CRAMP1: variants seen among roughly 807,000 people sequenced by gnomAD.
CRAMP1 encodes the protein cramped chromatin regulator 1.
Under a neutral mutation model 115.4 loss-of-function variants are expected in CRAMP1, and 50 were observed. The ratio of observed to expected loss-of-function variants is 0.43; its 90% CI spans 0.35 to 0.55. The LOEUF is 0.55. Ranked by LOEUF, CRAMP1 falls within the 20% of genes least tolerant of loss-of-function variation. The pLI is 0.01. For missense variants in CRAMP1, 1,679 were observed against 1,721.7 expected (o/e 0.98, Z 0.44); for synonymous variants, 866 against 745.4 (o/e 1.16, Z -2.64).
At position 1,676,565 on chromosome 16, in the gene CRAMP1, C is replaced by CT. The variant is rs1455509139; in HGVS notation, c.*2521dup. On this transcript the variant is annotated 3_prime_UTR_variant, in exon 21 of 21. Coordinates refer to ENST00000397412, the MANE Select transcript of CRAMP1 (RefSeq NM_020825.4). The stretch of plus-strand genomic sequence containing the variant: ...CCTTTCCAACAGAAGCGGTGATCGT[C>CT]TAAGTATGAGCCTGTGGCTTCCTTT... The CT allele has an allele frequency of 2.6e-5, 4 of 152,254 alleles. No individual in the cohort carries two copies. The highest frequency in any genetic ancestry group is 1.3e-4 in the Admixed American group (2 of 15,292). The allele number at this position is 152,254 out of a possible 1,614,324, so 9.4% of individuals were successfully genotyped here. A position where few individuals can be genotyped will look rare whatever the true frequency, so the allele number is the denominator to read the frequency against.
chr16:1,649,863 A>G (rs1211073842), intron 6 of CRAMP1, among the ~76,000 whole-genome samples: 3 of 140,116 alleles, frequency 2.1e-5, no homozygotes, highest in Non-Finnish European at 4.5e-5. Flanking sequence ...GCGCAATCTC[A>G]GCTCACTACA....
intron 6 of CRAMP1, among the ~76,000 whole-genome samples, chr16:1,648,336 C>T (rs1267317536): frequency 6.6e-6 from 1 of 152,150 alleles, no homozygotes; most frequent in African/African-American, 2.4e-5. Flanking sequence ...GAGCCGGGTA[C>T]AGTGGCTCAC....
At chr16:1,623,466 C>T (rs567010691) in intron 2 of CRAMP1, among the ~76,000 whole-genome samples, 2 of 152,372 alleles carry the variant, frequency 1.3e-5, no homozygotes, top group South Asian at 4.1e-4. Flanking sequence ...TTTAGCAAGA[C>T]ATGTGGATTA....
intron 2 of CRAMP1, among the ~76,000 whole-genome samples, chr16:1,618,110 C>T (rs2036436583): frequency 6.6e-6 from 1 of 152,174 alleles, no homozygotes; most frequent in Non-Finnish European, 1.5e-5. Context: ...GTCCTGATAC[C>T]TTTCCCTATT....
intron 13 of CRAMP1, among the ~76,000 whole-genome samples, chr16:1,664,778 CAAAAA>C (rs60337080): frequency 9.3e-6 from 1 of 106,976 alleles, no homozygotes. Flanking sequence ...GACACCGTCT[CAAAAA>C]AAAAAAAAAA....
At chr16:1,668,730 G>T (rs1340886366) in intron 18 of CRAMP1, among the ~76,000 whole-genome samples, 1 of 152,166 alleles carries the variant, frequency 6.6e-6, no homozygotes, top group Non-Finnish European at 1.5e-5. Context: ...TGAGAATAAG[G>T]TACAGCTCCT....
Position 1,625,995 on chromosome 16 carries a change from G to T in CRAMP1, c.369G>T (p.Ser123=). Residue 123 remains serine (S), a synonymous_variant, in exon 3 of 21, where the codon TCG becomes TCT. Transcript: ENST00000397412. ...RGKGAEGGGS[S]SGNVSGVAPA... ...AAGGAGCTGAAGGTGGTGGATCATCGTCTGGAAATGTGTCTGGGGTTGCCC... is the reference window on the plus strand; with the variant it reads ...AAGGAGCTGAAGGTGGTGGATCATCTTCTGGAAATGTGTCTGGGGTTGCCC... The T allele has an allele frequency of 6.4e-7, 1 of 1,551,610 alleles. No homozygotes were observed. The highest frequency in any genetic ancestry group is 8.7e-7 in the Non-Finnish European group (1 of 1,146,928).
chr16:1,623,743 T>A (rs1046791680), intron 2 of CRAMP1, among the ~76,000 whole-genome samples: 1 of 152,214 alleles, frequency 6.6e-6, no homozygotes, highest in Non-Finnish European at 1.5e-5. Flanking sequence ...TGCCCTGTAT[T>A]GAAAAGTTAA....
chr16:1,647,882 G>A (rs1049331072), intron 6 of CRAMP1, among the ~76,000 whole-genome samples: 1 of 151,890 alleles, frequency 6.6e-6, no homozygotes, highest in Non-Finnish European at 1.5e-5. Context: ...GGAAGTCTTA[G>A]CCTGTCTTAC....
chr16:1,625,960 C>T lies in CRAMP1; in HGVS notation c.347-13C>T, dbSNP rs553904758. On this transcript the variant is annotated splice_polypyrimidine_tract_variant and intron_variant, in intron 2 of 20. Coordinates refer to ENST00000397412, the MANE Select transcript of CRAMP1 (RefSeq NM_020825.4). ...TTCTGGAACAGATCACTGTACGGTGCTTTCTCTCCAAGGAGCTGAAGGTGG... is the reference window on the plus strand; with the variant it reads ...TTCTGGAACAGATCACTGTACGGTGTTTTCTCTCCAAGGAGCTGAAGGTGG... 1.1e-5 allele frequency: 17 copies of T among 1,551,432 alleles called. No homozygotes were observed. In the African/African-American group the frequency reaches 1.4e-4, roughly 12 times the overall value.
chr16:1,637,686 C>A (rs1343492111), intron 4 of CRAMP1, 138 bp from the exon 5 acceptor site: 7 of 441,112 alleles, frequency 1.6e-5, no homozygotes, highest in Non-Finnish European at 2.9e-5. Context: ...CCAGTGTCCC[C>A]TGTGGTTGAC....
At position 1,652,421 on chromosome 16, in the gene CRAMP1, C is replaced by A; in HGVS notation, c.828-75C>A. ...AGGCCCCACCTGGCCTGGCTCAGCG[C>A]CTCTCCGTGTGCTGGCCCTTCCGTC... On this transcript the variant is annotated intron_variant, in intron 6 of 20. Transcript: ENST00000397412. The A allele has an allele frequency of 5.1e-6, 7 of 1,361,306 alleles. 1 individual carries two copies. The highest frequency in any genetic ancestry group is 7.1e-6 in the Non-Finnish European group (7 of 988,302). 84.3% of individuals were successfully genotyped at this position (1,361,306 alleles called of 1,614,324 possible). A position where few individuals can be genotyped will look rare whatever the true frequency, so the allele number is the denominator to read the frequency against.
chr16:1,668,279 C>T lies in CRAMP1; in HGVS notation c.3334+86C>T. On this transcript the variant is annotated intron_variant, in intron 18 of 20. Coordinates refer to ENST00000397412, the MANE Select transcript of CRAMP1 (RefSeq NM_020825.4). ...GTTTGCCACACTTCCTGGGGATATT[C>T]CAGTTTTGTGATTTTTACGAATTGA... The T allele has an allele frequency of 1.1e-5, 11 of 1,047,590 alleles. No homozygotes were observed. In the South Asian group the frequency reaches 1.5e-4, roughly 14 times the overall value. 64.9% of individuals were successfully genotyped at this position (1,047,590 alleles called of 1,614,324 possible).
chr16:1,637,397 C>A (rs551607856), intron 4 of CRAMP1, among the ~76,000 whole-genome samples: 1 of 152,140 alleles, frequency 6.6e-6, no homozygotes, highest in Non-Finnish European at 1.5e-5. Flanking sequence ...CGCCTGGGCC[C>A]GGGCTATGCA....
chr16:1,654,336 C>T (rs1049866194), intron 8 of CRAMP1, among the ~76,000 whole-genome samples: 4 of 151,638 alleles, frequency 2.6e-5, no homozygotes, highest in Admixed American at 6.6e-5. Flanking sequence ...CTCAGCCTCC[C>T]GAGCAGCTGG....
rs1177709234 is a variant in CRAMP1, at chr16:1,612,369, A to G, written c.-290A>G. 6.6e-6 allele frequency: 1 copy of G among 151,720 alleles called. No homozygotes were observed. Among genetic ancestry groups the G allele is most frequent in the Non-Finnish European group, 1.5e-5 (1 of 67,688 alleles). The allele number at this position is 151,720 out of a possible 1,614,324, so 9.4% of individuals were successfully genotyped here. The stretch of plus-strand genomic sequence containing the variant: ...CCCGCGCGCCGTCCGTGAGGTCCCC[A>G]CCGGCCGCCGTAGCCGGAACTGCTG... On this transcript the variant is annotated 5_prime_UTR_variant, in exon 1 of 21. Coordinates refer to ENST00000397412, the MANE Select transcript of CRAMP1 (RefSeq NM_020825.4).
chr16:1,629,131 G>T (rs2036529064), intron 3 of CRAMP1, among the ~76,000 whole-genome samples: 1 of 152,106 alleles, frequency 6.6e-6, no homozygotes, highest in Non-Finnish European at 1.5e-5. Flanking sequence ...GCTTGTTTTT[G>T]CCATACAGTT....
In CRAMP1 at chr16:1,677,151, C is replaced by T. The variant is rs11864354; in HGVS notation, c.*3106C>T. 6.6e-6 allele frequency: 1 copy of T among 152,570 alleles called. No individual in the cohort carries two copies. The highest frequency in any genetic ancestry group is 1.5e-5 in the Non-Finnish European group (1 of 68,078). The allele number at this position is 152,570 out of a possible 1,614,324, so 9.5% of individuals were successfully genotyped here. A position where few individuals can be genotyped will look rare whatever the true frequency, so the allele number is the denominator to read the frequency against. ...AATACAGCACTTTGTCTTAAGAAAACAAGGAAGGAGGCCGGGCGCAGTGGC... is the reference window on the plus strand; with the variant it reads ...AATACAGCACTTTGTCTTAAGAAAATAAGGAAGGAGGCCGGGCGCAGTGGC... On this transcript the variant is annotated 3_prime_UTR_variant, in exon 21 of 21. Transcript: ENST00000397412.
At position 1,638,628 on chromosome 16, in the gene CRAMP1, C is replaced by G. The variant is rs1008496700; in HGVS notation, c.778+721C>G. On this transcript the variant is annotated intron_variant, in intron 5 of 20. Transcript: ENST00000397412. ...CAGCCCTGCTTCTTCTGCCTGACTT[C>G]ATAAGAAGAGAGCATGCCTGGGCTG... 2.6e-5 allele frequency among the ~76,000 whole-genome samples: 4 copies of G among 152,322 alleles called. No homozygotes were observed. The East Asian group carries it at 7.7e-4, about 29-fold the overall frequency.
Sources: allele counts gnomAD v4.1 joint callset (sites outside exome capture counted in the v4.1 genomes callset), GRCh38; gene constraint gnomAD v4.1.1; transcripts MANE v1.5; gene names NCBI Gene and HGNC (gene_info 2026-07-23, HGNC 2026-07-21).